MALAT1: variants seen among roughly 807,000 people sequenced by gnomAD.
The protein encoded by MALAT1 is metastasis associated lung adenocarcinoma transcript 1, also known as hepcarcin.
intron 1 of MALAT1, chr11:65,498,229 T>A (rs188757467): frequency 3.9e-6 from 2 of 518,894 alleles, no homozygotes; most frequent in African/African-American, 3.8e-5. Context: ...GTTGGTCTAC[T>A]TTAAAAGGCC....
At position 65,498,201 on chromosome 11, in the gene MALAT1, G is replaced by A. The variant is rs778299394; in HGVS notation, n.178+336G>A. The A allele has an allele frequency of 9.6e-6, 5 of 518,792 alleles. No individual in the cohort carries two copies. The East Asian group carries it at 2.7e-4, about 28-fold the overall frequency. 32.1% of individuals were successfully genotyped at this position (518,792 alleles called of 1,614,324 possible). A position where few individuals can be genotyped will look rare whatever the true frequency, so the allele number is the denominator to read the frequency against. On this transcript the variant is annotated intron_variant and non_coding_transcript_variant, in intron 1 of 3. Coordinates refer to ENST00000619449, the Ensembl canonical transcript of MALAT1. ...TGCCCAAGGTCTCTGTGTCTTCGGA[G>A]ACAAAGCCATTCGCTTAGTTGGTCT...
exon 3 of MALAT1, chr11:65,503,031 AAAAG>A (rs1428492377): frequency 2.0e-6 from 1 of 506,114 alleles, no homozygotes; most frequent in Non-Finnish European, 3.9e-6. Flanking sequence ...ATCCTGGAAT[AAAAG>A]AAGCCGAAAT....
At chr11:65,497,900 T>G (rs1194252208) in intron 1 of MALAT1, 1 of 518,552 alleles carries the variant, frequency 1.9e-6, no homozygotes, top group Non-Finnish European at 3.9e-6. Context: ...GAGCCCAGGT[T>G]TCCCAGAGTC....
chr11:65,503,125 C>T (rs765958835), exon 3 of MALAT1: 2 of 508,124 alleles, frequency 3.9e-6, no homozygotes, highest in South Asian at 1.4e-5. Context: ...AGACAGGTAT[C>T]TCTTCGTTAT....
intron 1 of MALAT1, chr11:65,498,062 A>G: frequency 1.9e-6 from 1 of 518,852 alleles, no homozygotes; most frequent in East Asian, 5.4e-5. Flanking sequence ...GCTCCGGTTC[A>G]GAAGGTCTGA....
intron 1 of MALAT1, chr11:65,497,983 T>G (rs902525747): frequency 3.9e-6 from 2 of 518,818 alleles, no homozygotes; most frequent in African/African-American, 1.9e-5. Flanking sequence ...GTGGTGGTAT[T>G]TAGATAAAAC....
chr11:65,501,943 C>CA, exon 3 of MALAT1: 1 of 517,640 alleles, frequency 1.9e-6, no homozygotes, highest in South Asian at 1.4e-5. Flanking sequence ...CAGATAAACT[C>CA]ATGCCAGAGA....
chr11:65,502,545 AC>A (rs1310920400), exon 3 of MALAT1: 1 of 484,682 alleles, frequency 2.1e-6, no homozygotes, highest in East Asian at 5.5e-5. Context: ...GTAAATTGTA[AC>A]TGATTAAGAA....
chr11:65,502,860 T>G (rs1315633575), exon 3 of MALAT1: 1 of 496,424 alleles, frequency 2.0e-6, no homozygotes, highest in Non-Finnish European at 4.0e-6. Context: ...CAATTTAAAG[T>G]TACGGAATCT....
exon 3 of MALAT1, chr11:65,499,240 A>G (rs11540767): frequency 2.0e-6 from 1 of 504,918 alleles, no homozygotes. Context: ...TTTAAGAGAA[A>G]ATATGAAGAC....
intron 1 of MALAT1, chr11:65,498,337 G>T (rs1396511883): frequency 1.9e-6 from 1 of 517,952 alleles, no homozygotes; most frequent in South Asian, 1.4e-5. Context: ...GGGCCGTGGG[G>T]GGCTGGCGGC....
chr11:65,501,597 T>A (rs761306481), exon 3 of MALAT1: 7 of 518,860 alleles, frequency 1.3e-5, no homozygotes, highest in South Asian at 5.6e-5. Flanking sequence ...CCACAGATGC[T>A]ATAGTACTAT....
exon 3 of MALAT1, chr11:65,501,717 A>G (rs369090092): frequency 1.3e-5 from 7 of 519,032 alleles, no homozygotes; most frequent in Non-Finnish European, 2.7e-5. Context: ...GAAGCTGAAA[A>G]GTACAGCACA....
exon 3 of MALAT1, chr11:65,500,351 A>T: frequency 1.9e-6 from 1 of 518,644 alleles, no homozygotes; most frequent in South Asian, 1.4e-5. Flanking sequence ...TTGAGTTAAG[A>T]TTATTTTTTA....
exon 3 of MALAT1, chr11:65,499,499 A>G (rs765252840): frequency 1.1e-5 from 5 of 464,786 alleles, no homozygotes; most frequent in Non-Finnish European, 2.1e-5. Context: ...TTTTAAAAAG[A>G]GATTAAACCG....
At chr11:65,499,195 G>T (rs768539685) in exon 3 of MALAT1, 4 of 504,406 alleles carry the variant, frequency 7.9e-6, no homozygotes, top group South Asian at 5.9e-5. Context: ...ATTGCTTAGC[G>T]TTAAGTTTTT....
At chr11:65,502,973 CA>C (rs1276279256) in exon 3 of MALAT1, 3 of 494,740 alleles carry the variant, frequency 6.1e-6, no homozygotes, top group Non-Finnish European at 1.2e-5. Flanking sequence ...ACTGCTTTTA[CA>C]AAAGCAGAAT....
exon 3 of MALAT1, chr11:65,501,615 C>T (rs1179437364): frequency 1.9e-6 from 1 of 518,656 alleles, no homozygotes. Flanking sequence ...TATTGACAAA[C>T]TGGGTTAGAG....
chr11:65,498,427 T>C, intron 1 of MALAT1: 1 of 518,584 alleles, frequency 1.9e-6, no homozygotes, highest in South Asian at 1.4e-5. Flanking sequence ...CTCTGTGGTG[T>C]GGGATTGAGG....
Sources: gnomAD v4.1 joint callset for allele counts on GRCh38, gnomAD v4.1.1 for gene constraint, MANE v1.5 for transcripts, NCBI Gene and HGNC (gene_info 2026-07-23, HGNC 2026-07-21) for gene names.